The following CNTN5 variants were observed in gnomAD, a reference collection of about 807,000 sequenced individuals.
CNTN5 encodes contactin-5.
A neutral mutation model predicts 129.1 loss-of-function variants in CNTN5; 77 were observed. That is an observed-to-expected ratio of 0.60 (90% confidence interval 0.50 to 0.72). CNTN5 has a LOEUF of 0.72. Ranked by LOEUF, CNTN5 falls within the 30% of genes least tolerant of loss-of-function variation. The probability of loss-of-function intolerance (pLI) is 0.00; values close to 1 mark genes in which losing one functional copy is unlikely to be tolerated. For missense variants in CNTN5, 1,478 were observed against 1,328.8 expected, an observed-to-expected ratio of 1.11 and a Z score of -1.75; for synonymous variants, 509 against 465.6, an observed-to-expected ratio of 1.09 and a Z score of -1.20.
At chr11:99,800,724 GT>G (rs1315886058) in intron 3 of CNTN5, among the ~76,000 whole-genome samples, 2 of 152,030 alleles carry the variant, frequency 1.3e-5, no homozygotes, top group African/African-American at 4.8e-5. Flanking sequence ...TTTAAAGTAT[GT>G]TTTTATGTAA....
rs1565331307 is a variant in CNTN5 at position 100,193,595 on chromosome 11, TACTGGACTCTG to T, written c.1818_1828del (p.Tyr606Ter). ...CGATGCTAGTTTGGATGTCACTTTC[TACTGGACTCTG>T]AAAGGACAGCCTATTGATTTCGAGG... On this transcript the variant is annotated frameshift_variant, in exon 15 of 25. Transcript: ENST00000524871. LOFTEE classifies it high-confidence loss of function. 6.2e-7 allele frequency: 1 copy of T among 1,612,252 alleles called. No homozygotes were observed. The highest frequency in any genetic ancestry group is 1.1e-5 in the South Asian group (1 of 91,008).
intron 3 of CNTN5, among the ~76,000 whole-genome samples, chr11:99,819,337 C>CCCCTA: frequency 8.5e-6 from 1 of 117,146 alleles, no homozygotes; most frequent in African/African-American, 3.3e-5. Flanking sequence ...CCCCTCCCCT[C>CCCCTA]CTTTCCTTAA....
chr11:99,773,482 T>G (rs1945013186), intron 3 of CNTN5, among the ~76,000 whole-genome samples: 1 of 152,092 alleles, frequency 6.6e-6, no homozygotes. Flanking sequence ...TAAGGTCATT[T>G]GTACTGTGTA....
Position 100,116,707 on chromosome 11 carries a change from A to G in CNTN5, c.1580+42413A>G, listed in dbSNP as rs530639481. On this transcript the variant is annotated intron_variant, in intron 13 of 24. Coordinates refer to ENST00000524871, the MANE Select transcript of CNTN5 (RefSeq NM_014361.4). ...ATATCTTTTTTCTTCCTCTTAATCTATTATTCTTGACTAATCTCATCTTTG... is the reference window on the plus strand; with the variant it reads ...ATATCTTTTTTCTTCCTCTTAATCTGTTATTCTTGACTAATCTCATCTTTG... Among the ~76,000 whole-genome samples the G allele has an allele frequency of 9.9e-5, 15 of 152,032 alleles. 1 individual carries two copies. The highest frequency in any genetic ancestry group is 3.6e-4 in the African/African-American group (15 of 41,508).
intron 13 of CNTN5, among the ~76,000 whole-genome samples, chr11:100,098,604 GA>G (rs1368644773): frequency 5.3e-5 from 8 of 152,012 alleles, no homozygotes; most frequent in African/African-American, 1.9e-4. Flanking sequence ...CCTTTACCTT[GA>G]ATGTATAAAT....
chr11:100,057,388 A>G (rs17094249), intron 9 of CNTN5, among the ~76,000 whole-genome samples: 2,070 of 151,466 alleles, frequency 0.014, 61 homozygotes, highest in African/African-American at 0.048. Flanking sequence ...GTCATAGTCA[A>G]TCATTTAAAA....
At chr11:100,301,938 G>A (rs1161879256) in intron 20 of CNTN5, among the ~76,000 whole-genome samples, 1 of 151,644 alleles carries the variant, frequency 6.6e-6, no homozygotes, top group Non-Finnish European at 1.5e-5. Flanking sequence ...TTGGGAGGTT[G>A]AGGCAGGAGG....
chr11:100,112,214 C>G (rs1378049406), intron 13 of CNTN5, among the ~76,000 whole-genome samples: 1 of 152,080 alleles, frequency 6.6e-6, no homozygotes, highest in East Asian at 1.9e-4. Context: ...CCAACATGGA[C>G]TGAGGCCATT....
At chr11:99,669,466 G>A (rs397833436) in intron 3 of CNTN5, among the ~76,000 whole-genome samples, 1 of 129,262 alleles carries the variant, frequency 7.7e-6, no homozygotes, top group African/African-American at 3.4e-5. Flanking sequence ...GTGTGTGTGT[G>A]TGTGTGTATA....
chr11:99,975,168 GT>G (rs202136709), intron 8 of CNTN5, among the ~76,000 whole-genome samples: 2 of 149,604 alleles, frequency 1.3e-5, no homozygotes, highest in South Asian at 2.1e-4. Context: ...AGGAGGAAAA[GT>G]TTTTTTTTTA....
chr11:99,378,602 A>C (rs895756514), intron 2 of CNTN5, among the ~76,000 whole-genome samples: 2 of 152,076 alleles, frequency 1.3e-5, no homozygotes, highest in Non-Finnish European at 2.9e-5. Context: ...GACTTCATAT[A>C]TATACTTTAC....
At chr11:100,038,278 T>A (rs980836039) in intron 9 of CNTN5, among the ~76,000 whole-genome samples, 5 of 152,320 alleles carry the variant, frequency 3.3e-5, no homozygotes, top group Middle Eastern at 3.4e-3. Context: ...TTGAGCGGTT[T>A]TGAGTGAGTT....
intron 4 of CNTN5, among the ~76,000 whole-genome samples, chr11:99,835,210 G>T (rs76657277): frequency 6.6e-6 from 1 of 152,186 alleles, no homozygotes; most frequent in African/African-American, 2.4e-5. Context: ...TGACGCATAT[G>T]TTCAAAAAGG....
chr11:100,033,370 G>C (rs553022827), intron 9 of CNTN5, among the ~76,000 whole-genome samples: 1 of 152,282 alleles, frequency 6.6e-6, no homozygotes, highest in East Asian at 1.9e-4. Flanking sequence ...GAATTACATT[G>C]CGTCTGAACT....
chr11:99,582,620 G>T (rs192393700), intron 3 of CNTN5, among the ~76,000 whole-genome samples: 6 of 152,178 alleles, frequency 3.9e-5, no homozygotes, highest in Admixed American at 3.9e-4. Flanking sequence ...GATCTCATCG[G>T]TTACTGAGGC....
chr11:99,076,672 T>A (rs187466538), intron 1 of CNTN5, among the ~76,000 whole-genome samples: 1 of 152,158 alleles, frequency 6.6e-6, no homozygotes, highest in Non-Finnish European at 1.5e-5. Flanking sequence ...AAATTGGACA[T>A]TTATGTCTAC....
intron 16 of CNTN5, among the ~76,000 whole-genome samples, chr11:100,246,593 A>T (rs751383132): frequency 1.3e-5 from 2 of 152,120 alleles, no homozygotes; most frequent in Non-Finnish European, 2.9e-5. Context: ...AAAGTTACTA[A>T]GAGTCTATTC....
intron 2 of CNTN5, among the ~76,000 whole-genome samples, chr11:99,415,291 A>G (rs1942601970): frequency 6.6e-6 from 1 of 151,648 alleles, no homozygotes; most frequent in African/African-American, 2.4e-5. Context: ...TGAAGCAGGG[A>G]CAGTGAGTAG....
intron 2 of CNTN5, among the ~76,000 whole-genome samples, chr11:99,547,649 T>C (rs1242861983): frequency 6.6e-6 from 1 of 152,242 alleles, no homozygotes; most frequent in South Asian, 2.1e-4. Flanking sequence ...TTAATTGCAT[T>C]ATCCTCCTTC....
Sources: allele counts gnomAD v4.1 joint callset (sites outside exome capture counted in the v4.1 genomes callset), GRCh38; gene constraint gnomAD v4.1.1; transcripts MANE v1.5; gene names NCBI Gene and HGNC (gene_info 2026-07-23, HGNC 2026-07-21).